Variants in SERPINA4 observed in about 807,000 individuals in gnomAD.
SERPINA4 encodes the protein kallistatin.
A neutral mutation model predicts 25.4 loss-of-function variants in SERPINA4; 24 were observed. The observed-to-expected ratio is 0.95, with a 90% CI of 0.69 to 1.33. The LOEUF (loss-of-function observed/expected upper bound fraction) is 1.33. SERPINA4 is among the 40% of genes most tolerant of loss of function. The probability of loss-of-function intolerance (pLI) is 0.00; values close to 1 mark genes in which losing one functional copy is unlikely to be tolerated. For missense variants in SERPINA4, 553 were observed against 535.8 expected (o/e 1.03, Z -0.32); for synonymous variants, 242 against 223.6 (o/e 1.08, Z -0.73).
rs776919966 is a variant in SERPINA4, at chr14:94,569,491, C to T, written c.1180C>T (p.Arg394Cys). The change falls in exon 5 of 5, where the codon CGC becomes TGC. Residue 394 changes from arginine to cysteine, a missense_variant. Physicochemically the swap from Arg to Cys is radical, Grantham distance 180 (BLOSUM62 -3). Transcript: ENST00000557004. Reference sequence around the variant, plus strand: ...CAAATTCTTCTCTGCCCAGACCAATCGCCACATCCTGCGATTCAACCGGCC... The same window carrying T: ...CAAATTCTTCTCTGCCCAGACCAATTGCCACATCCTGCGATTCAACCGGCC... ...AIKFFSAQTN[R>C]HILRFNRPFL... 5.6e-6 allele frequency: 9 copies of T among 1,614,212 alleles called. No homozygotes were observed. The highest frequency in any genetic ancestry group is 1.6e-4 in the Middle Eastern group (1 of 6,062).
In SERPINA4 at chr14:94,569,793, T is replaced by C. The variant is rs539929747; in HGVS notation, c.*198T>C. ...CTGGACATTCCACACCCTGGTGCTG[T>C]GCAGCCTCTGGCAGAGCATCCGACC... On this transcript the variant is annotated 3_prime_UTR_variant, in exon 5 of 5. Transcript: ENST00000557004. 6 of 611,274 alleles carry C rather than the reference T, an allele frequency of 9.8e-6. No homozygotes were observed. The East Asian group carries it at 1.7e-4, about 17-fold the overall frequency. The allele number at this position is 611,274 out of a possible 1,614,324, so 37.9% of individuals were successfully genotyped here.
chr14:94,564,199 G>A (rs1385782392), intron 2 of SERPINA4, 68 bp downstream of exon 2: 1 of 1,482,972 alleles, frequency 6.7e-7, no homozygotes, highest in Non-Finnish European at 9.2e-7. Context: ...TTTGTTGACT[G>A]GTTAAATATA....
rs1393474713 is a variant in SERPINA4, at chr14:94,561,621, G to C, written c.-18+127G>C. 5.5e-6 allele frequency: 7 copies of C among 1,269,440 alleles called. No individual in the cohort carries two copies. The African/African-American group carries it at 1.1e-4, about 20-fold the overall frequency. The allele number at this position is 1,269,440 out of a possible 1,614,324, so 78.6% of individuals were successfully genotyped here. ...CAGTGCTAAAACCAGGAAAGTCCCA[G>C]GCAAGCTGGGACACTTTGTCACTCT... On this transcript the variant is annotated intron_variant, in intron 1 of 4. Transcript: ENST00000557004.
At chr14:94,567,380 G>C (rs751076076) in intron 3 of SERPINA4, 137 bp downstream of exon 3, 1 of 948,744 alleles carries the variant, frequency 1.1e-6, no homozygotes. Flanking sequence ...AACTTCCATG[G>C]GCTTCCTTTA....
At chr14:94,567,288 A>G (rs1377034212) in intron 3 of SERPINA4, 45 bp downstream of exon 3, 7 of 1,547,810 alleles carry the variant, frequency 4.5e-6, no homozygotes, top group Non-Finnish European at 1.7e-6. Flanking sequence ...ACTATCCATC[A>G]AATGTAACTT....
At chr14:94,566,620 A>C (rs1902220449) in intron 2 of SERPINA4, among the ~76,000 whole-genome samples, 1 of 151,966 alleles carries the variant, frequency 6.6e-6, no homozygotes, top group Non-Finnish European at 1.5e-5. Context: ...TGGAAGGCTG[A>C]CCCCTCTGCT....
rs760422576 is a variant in SERPINA4, at chr14:94,569,632, A to T, written c.*37A>T. The stretch of plus-strand genomic sequence containing the variant: ...CTGCTCATCTGTTCCAAGCAGGAGG[A>T]TGTGGCAGGGGAGGGCTGGGAGTGA... On this transcript the variant is annotated 3_prime_UTR_variant, in exon 5 of 5. Transcript: ENST00000557004. The T allele has an allele frequency of 1.2e-6, 2 of 1,607,960 alleles. No homozygotes were observed. Among genetic ancestry groups the T allele is most frequent in the African/African-American group, 2.7e-5 (2 of 74,732 alleles).
At position 94,568,137 on chromosome 14, in the gene SERPINA4, A is replaced by G; in HGVS notation, c.932A>G (p.Tyr311Cys). The stretch of plus-strand genomic sequence containing the variant: ...CTCAATGCCCCTTTCAGGAATTTTT[A>G]CAAGAAGCTAGAGTTGCATCTTCCC... ...WNNLLRKRNF[Y>C]KKLELHLPKF... Residue 311 changes from tyrosine to cysteine, a missense_variant, in exon 4 of 5, where the codon TAC (tyrosine) becomes TGC (cysteine). Tyr to Cys is a radical substitution (Grantham distance 194). Transcript: ENST00000557004. 1 of 1,614,180 alleles carries G rather than the reference A, an allele frequency of 6.2e-7. No homozygotes were observed. The highest frequency in any genetic ancestry group is 8.5e-7 in the Non-Finnish European group (1 of 1,180,024).
intron 1 of SERPINA4, chr14:94,561,857 T>C (rs777301150): frequency 2.3e-6 from 3 of 1,289,788 alleles, no homozygotes; most frequent in South Asian, 1.2e-5. Flanking sequence ...CTGTGAGTGA[T>C]GCGGTCCTAT....
chr14:94,569,716 C>T lies in SERPINA4; in HGVS notation c.*121C>T. The stretch of plus-strand genomic sequence containing the variant: ...ACACCGAAGGTCCAGGAGTCCAGGA[C>T]AGCAGGTGCTGGCCGGTGGGGAGCG... On this transcript the variant is annotated 3_prime_UTR_variant, in exon 5 of 5. Transcript: ENST00000557004. 1 of 1,100,968 alleles carries T rather than the reference C, an allele frequency of 9.1e-7. No individual in the cohort carries two copies. Among genetic ancestry groups the T allele is most frequent in the Non-Finnish European group, 1.3e-6 (1 of 760,448 alleles). The allele number at this position is 1,100,968 out of a possible 1,614,324, so 68.2% of individuals were successfully genotyped here.
Position 94,567,201 on chromosome 14 carries a change from C to G in SERPINA4, c.881C>G (p.Thr294Ser). The G allele has an allele frequency of 3.1e-6, 5 of 1,614,134 alleles. No individual in the cohort carries two copies. The highest frequency in any genetic ancestry group is 4.2e-6 in the Non-Finnish European group (5 of 1,180,024). Residue 294 changes from threonine (T) to serine (S), a missense_variant, in exon 3 of 5, where the codon ACT becomes AGT. Coordinates refer to ENST00000557004, the MANE Select transcript of SERPINA4 (RefSeq NM_006215.4). ...ATGAGGGAGATTGAAGAGGTTCTGA[C>G]TCCAGAGATGCTAATGAGGTGGAAC... ...GKMREIEEVL[T>S]PEMLMRWNNL...
At chr14:94,562,444 G>A (rs1902058987) in intron 1 of SERPINA4, among the ~76,000 whole-genome samples, 1 of 152,094 alleles carries the variant, frequency 6.6e-6, no homozygotes, top group African/African-American at 2.4e-5. Flanking sequence ...GGCTGTGCAT[G>A]CCTGTAGTTC....
Position 94,563,837 on chromosome 14 carries a change from AG to A in SERPINA4, c.359del (p.Gly120AlafsTer26). 1 of 1,614,106 alleles carries A rather than the reference AG, an allele frequency of 6.2e-7. No homozygotes were observed. Among genetic ancestry groups the A allele is most frequent in the Non-Finnish European group, 8.5e-7 (1 of 1,180,028 alleles). On this transcript the variant is annotated frameshift_variant, in exon 2 of 5. Transcript: ENST00000557004. LOFTEE classifies it high-confidence loss of function. ...CGAGCTGTCTGAGTCCGATGTCCAT[AG>A]GGGCTTCCAGCACCTCCTGCACACT... is the stretch of plus-strand genomic sequence containing the variant. ...LTELSESDVH[R>X]GFQHLLHTLN...
rs1466324822 is a variant in SERPINA4, at chr14:94,568,138, C to T, written c.933C>T (p.Tyr311=). The T allele has an allele frequency of 2.5e-6, 4 of 1,614,140 alleles. No individual in the cohort carries two copies. The highest frequency in any genetic ancestry group is 3.4e-6 in the Non-Finnish European group (4 of 1,180,004). The part of the protein sequence containing the change: ...WNNLLRKRNF[Y]KKLELHLPKF... ...TCAATGCCCCTTTCAGGAATTTTTA[C>T]AAGAAGCTAGAGTTGCATCTTCCCA... The change falls in exon 4 of 5, where the codon TAC becomes TAT. Residue 311 remains tyrosine (Y), a synonymous_variant. Coordinates refer to ENST00000557004, the MANE Select transcript of SERPINA4 (RefSeq NM_006215.4).
chr14:94,566,211 G>A (rs1015613048), intron 2 of SERPINA4, among the ~76,000 whole-genome samples: 4 of 152,154 alleles, frequency 2.6e-5, no homozygotes, highest in Non-Finnish European at 5.9e-5. Context: ...TAAACCTAAA[G>A]GTCTAACTAG....
rs958747119 is a variant in SERPINA4, at chr14:94,568,163, A to G, written c.958A>G (p.Lys320Glu). Residue 320 changes from lysine to glutamate, a missense_variant, in exon 4 of 5, where the codon AAG becomes GAG. Lys to Glu is a moderately conservative substitution (Grantham distance 56). Transcript: ENST00000557004. The part of the protein sequence containing the change: ...FYKKLELHLP[K>E]FSISGSYVLD... Reference sequence around the variant, plus strand: ...CAAGAAGCTAGAGTTGCATCTTCCCAAGTTCTCCATTTCTGGCTCCTATGT... The same window carrying G: ...CAAGAAGCTAGAGTTGCATCTTCCCGAGTTCTCCATTTCTGGCTCCTATGT... 5.1e-5 allele frequency: 82 copies of G among 1,614,092 alleles called. No individual in the cohort carries two copies. The highest frequency in any genetic ancestry group is 6.9e-5 in the Non-Finnish European group (82 of 1,180,044).
Position 94,569,664 on chromosome 14 carries a change from C to T in SERPINA4, c.*69C>T. On this transcript the variant is annotated 3_prime_UTR_variant, in exon 5 of 5. Transcript: ENST00000557004. Reference sequence around the variant, plus strand: ...AGGGGAGGGCTGGGAGTGAGTAGCTCTGTGTTTAGAGTTGGGGACAAGGAT... The same window carrying T: ...AGGGGAGGGCTGGGAGTGAGTAGCTTTGTGTTTAGAGTTGGGGACAAGGAT... The T allele has an allele frequency of 6.5e-7, 1 of 1,535,874 alleles. No homozygotes were observed. The highest frequency in any genetic ancestry group is 2.3e-5 in the East Asian group (1 of 44,384).
Position 94,563,871 on chromosome 14 carries a change from T to A in SERPINA4, c.389T>A (p.Leu130His). Reference sequence around the variant, plus strand: ...CAGCACCTCCTGCACACTCTCAACCTCCCCGGCCATGGGCTGGAAACACGC... The same window carrying A: ...CAGCACCTCCTGCACACTCTCAACCACCCCGGCCATGGGCTGGAAACACGC... ...GFQHLLHTLN[L>H]PGHGLETRVG... The change falls in exon 2 of 5, where the codon CTC becomes CAC. Residue 130 changes from leucine (L) to histidine (H), a missense_variant. Transcript: ENST00000557004. 6.2e-7 allele frequency: 1 copy of A among 1,613,958 alleles called. No individual in the cohort carries two copies. Among genetic ancestry groups the A allele is most frequent in the Non-Finnish European group, 8.5e-7 (1 of 1,179,996 alleles).
chr14:94,568,171 C>A lies in SERPINA4; in HGVS notation c.966C>A (p.Ser322=), dbSNP rs749286619. 1 of 1,614,236 alleles carries A rather than the reference C, an allele frequency of 6.2e-7. No homozygotes were observed. The highest frequency in any genetic ancestry group is 2.2e-5 in the East Asian group (1 of 44,886). The change falls in exon 4 of 5, where the codon TCC becomes TCA. Residue 322 remains serine, a synonymous_variant. Coordinates refer to ENST00000557004, the MANE Select transcript of SERPINA4 (RefSeq NM_006215.4). The stretch of plus-strand genomic sequence containing the variant: ...TAGAGTTGCATCTTCCCAAGTTCTC[C>A]ATTTCTGGCTCCTATGTATTAGATC... ...KKLELHLPKF[S]ISGSYVLDQI... is the part of the protein sequence containing the mutation.
Sources: allele counts gnomAD v4.1 joint callset (sites outside exome capture counted in the v4.1 genomes callset), GRCh38; gene constraint gnomAD v4.1.1; transcripts MANE v1.5; gene names NCBI Gene and HGNC (gene_info 2026-07-23, HGNC 2026-07-21).